The following UPF1 variants were observed in gnomAD, a reference collection of about 807,000 sequenced individuals.
UPF1 encodes UPF1 RNA helicase and ATPase.
Under a neutral mutation model 129.2 loss-of-function variants are expected in UPF1, and 9 were observed. The ratio of observed to expected loss-of-function variants is 0.07; its 90% CI spans 0.04 to 0.12. UPF1 has a LOEUF of 0.12. UPF1 is among the 10% of genes least tolerant of loss of function. The pLI is 1.00. For missense variants in UPF1, 788 were observed against 1,525.3 expected (o/e 0.52, Z 8.05); for synonymous variants, 649 against 644.9 (o/e 1.01, Z -0.10).
In UPF1 at chr19:18,853,895, G is replaced by A. The variant is rs528004916; in HGVS notation, c.1156+545G>A. On this transcript the variant is annotated intron_variant, in intron 8 of 23. Coordinates refer to ENST00000262803, the MANE Select transcript of UPF1 (RefSeq NM_002911.4). The surrounding 1 kb of genome is among the most constrained non-coding windows in gnomAD (Gnocchi z 4.4). ...GGGAGGAGTCCTGGGAGAAGACACC[G>A]CGGGTCAGACTCAGGCTGCCTCTTG... is the stretch of plus-strand genomic sequence containing the variant. Among the ~76,000 whole-genome samples, 7 of 152,290 alleles carry A rather than the reference G, an allele frequency of 4.6e-5. No homozygotes were observed. The highest frequency in any genetic ancestry group is 7.2e-5 in the African/African-American group (3 of 41,558).
chr19:18,852,712 T>TCCCTC (rs1365783587), intron 6 of UPF1, among the ~76,000 whole-genome samples: 1 of 133,424 alleles, frequency 7.5e-6, no homozygotes, highest in African/African-American at 2.8e-5. Context: ...TCTCTCTTCC[T>TCCCTC]CCCTCCCACA....
At chr19:18,857,210 G>A in intron 14 of UPF1, 110 bp from the exon 15 acceptor site, 1 of 1,467,486 alleles carries the variant, frequency 6.8e-7, no homozygotes, top group Non-Finnish European at 9.2e-7. Flanking sequence ...CAATGCCCCT[G>A]TGGCCAGGTG....
At chr19:18,847,933 C>A in intron 3 of UPF1, 100 bp downstream of exon 3, 1 of 1,330,830 alleles carries the variant, frequency 7.5e-7, no homozygotes, top group South Asian at 1.3e-5. Flanking sequence ...TAAAATCACG[C>A]TAACAAACCT....
intron 1 of UPF1, 83 bp from the exon 2 acceptor site, chr19:18,845,897 C>A: frequency 6.5e-7 from 1 of 1,536,308 alleles, no homozygotes; most frequent in Admixed American, 1.9e-5. Context: ...CAGGGTGTCA[C>A]ACCAGAGTCA....
intron 10 of UPF1, 42 bp downstream of exon 10, chr19:18,855,080 G>A (rs768055974): frequency 5.0e-6 from 8 of 1,613,076 alleles, no homozygotes; most frequent in Admixed American, 3.3e-5. Flanking sequence ...CCCATGGGCC[G>A]GGACGCAAGC....
chr19:18,852,935 G>T, intron 6 of UPF1, 52 bp from the exon 7 acceptor site: 2 of 1,513,006 alleles, frequency 1.3e-6, no homozygotes, highest in Non-Finnish European at 1.8e-6. Context: ...TGGAGGCCAG[G>T]CCCGGGCCTG....
At position 18,853,379 on chromosome 19, in the gene UPF1, G is replaced by T; in HGVS notation, c.1156+29G>T. 3 of 1,567,620 alleles carry T rather than the reference G, an allele frequency of 1.9e-6. No homozygotes were observed. In the South Asian group the frequency reaches 3.5e-5, roughly 19 times the overall value. ...TCCTTCATGTGAAGAGGGTGTGGCC[G>T]GCTGGTGGGAGAGGAAAGTGGGGGC... On this transcript the variant is annotated intron_variant, in intron 8 of 23. Transcript: ENST00000262803. This position sits in a 1 kb window ranked among gnomAD's most constrained non-coding sequence, Gnocchi z 4.4.
intron 18 of UPF1, 112 bp from the exon 19 acceptor site, chr19:18,863,326 G>A (rs2055802251): frequency 1.3e-5 from 19 of 1,414,804 alleles, no homozygotes; most frequent in Middle Eastern, 2.3e-4. Flanking sequence ...CCCGGTCCAC[G>A]CCTCTGTTGC....
rs922052563 is a variant in UPF1 at position 18,865,131 on chromosome 19, G to A, written c.2858-158G>A. Among the ~76,000 whole-genome samples, 12 of 152,246 alleles carry A rather than the reference G, an allele frequency of 7.9e-5. No homozygotes were observed. The highest frequency in any genetic ancestry group is 1.8e-4 in the Non-Finnish European group (12 of 68,046). Reference sequence around the variant, plus strand: ...CCAAGCACCCAGCCCCAGGCAGGCTGCTGTAGTTAACATGGAGTCCTGCGA... The same window carrying A: ...CCAAGCACCCAGCCCCAGGCAGGCTACTGTAGTTAACATGGAGTCCTGCGA... On this transcript the variant is annotated intron_variant, in intron 20 of 23. Transcript: ENST00000262803. This position sits in a 1 kb window ranked among gnomAD's most constrained non-coding sequence, Gnocchi z 6.1.
rs897908759 is a variant in UPF1, at chr19:18,866,257, G to C, written c.*3+91G>C. The C allele has an allele frequency of 1.5e-5, 21 of 1,443,450 alleles. No homozygotes were observed. In the East Asian group the frequency reaches 5.3e-4, roughly 37 times the overall value. 89.4% of individuals were successfully genotyped at this position (1,443,450 alleles called of 1,614,324 possible). ...CCCCAGGGAGCTGCACTGGAGGGGTGGTATCTGGAAATGTGTGCTGTGCCT... is the reference window on the plus strand; with the variant it reads ...CCCCAGGGAGCTGCACTGGAGGGGTCGTATCTGGAAATGTGTGCTGTGCCT... On this transcript the variant is annotated intron_variant, in intron 23 of 23. Coordinates refer to ENST00000262803, the MANE Select transcript of UPF1 (RefSeq NM_002911.4).
At chr19:18,837,490 A>G (rs958884000) in intron 1 of UPF1, among the ~76,000 whole-genome samples, 3 of 152,240 alleles carry the variant, frequency 2.0e-5, no homozygotes. Context: ...GCATCTCTTC[A>G]TGAGAACCCC....
In UPF1 at chr19:18,850,820, A is replaced by G. The variant is rs757911722; in HGVS notation, c.762A>G (p.Ala254=). 2 of 1,608,548 alleles carry G rather than the reference A, an allele frequency of 1.2e-6. No homozygotes were observed. The highest frequency in any genetic ancestry group is 4.5e-5 in the East Asian group (2 of 44,666). ...KIPSEQEQLR[A]RQITAQQINK... ...CCTCCGAGCAGGAGCAGCTGCGGGCACGCCAGATCACGGCACAGCAGATCA... is the reference window on the plus strand; with the variant it reads ...CCTCCGAGCAGGAGCAGCTGCGGGCGCGCCAGATCACGGCACAGCAGATCA... Residue 254 remains alanine (A), a synonymous_variant, in exon 5 of 24, where the codon GCA becomes GCG. Transcript: ENST00000262803. This position sits in a 1 kb window ranked among gnomAD's most constrained non-coding sequence, Gnocchi z 7.1.
rs1024135651 is a variant in UPF1 at position 18,867,229 on chromosome 19, CGGA to C, written c.*717_*719del. Reference sequence around the variant, plus strand: ...AGAGGAGCAACACCTGTGCCGCGGCCGGAGGAGTTTTGTTGTTGGTTTTAGCTT... The same window carrying C: ...AGAGGAGCAACACCTGTGCCGCGGCCGGAGTTTTGTTGTTGGTTTTAGCTT... On this transcript the variant is annotated 3_prime_UTR_variant, in exon 24 of 24. Coordinates refer to ENST00000262803, the MANE Select transcript of UPF1 (RefSeq NM_002911.4). The C allele has an allele frequency of 9.2e-5, 14 of 152,286 alleles. No individual in the cohort carries two copies. Among genetic ancestry groups the C allele is most frequent in the African/African-American group, 2.2e-4 (9 of 41,452 alleles). 9.4% of individuals were successfully genotyped at this position (152,286 alleles called of 1,614,324 possible). A position where few individuals can be genotyped will look rare whatever the true frequency, so the allele number is the denominator to read the frequency against.
At chr19:18,860,776 G>T in intron 16 of UPF1, 50 bp from the exon 17 acceptor site, 1 of 1,604,202 alleles carries the variant, frequency 6.2e-7, no homozygotes, top group Admixed American at 1.7e-5. Flanking sequence ...CAGCCTCAGG[G>T]CTCGGGATCC....
At position 18,860,955 on chromosome 19, in the gene UPF1, C is replaced by T. The variant is rs747732278; in HGVS notation, c.2430C>T (p.Ser810=). Residue 810 remains serine, a synonymous_variant, in exon 17 of 24, where the codon AGC becomes AGT. Transcript: ENST00000262803. ...RSYLVQYMQF[S]GSLHTKLYQE... Reference sequence around the variant, plus strand: ...ACCTGGTGCAGTACATGCAGTTCAGCGGCTCCCTGCACACCAAGCTCTACC... The same window carrying T: ...ACCTGGTGCAGTACATGCAGTTCAGTGGCTCCCTGCACACCAAGCTCTACC... 35 of 1,585,840 alleles carry T rather than the reference C, an allele frequency of 2.2e-5. No homozygotes were observed. Among genetic ancestry groups the T allele is most frequent in the East Asian group, 6.9e-5 (3 of 43,302 alleles).
chr19:18,859,481 A>G (rs2055754129), intron 15 of UPF1: 1 of 152,184 alleles, frequency 6.6e-6, no homozygotes, highest in South Asian at 2.1e-4. Context: ...AGGGGTGCGC[A>G]TCCACAGCAG....
intron 15 of UPF1, among the ~76,000 whole-genome samples, chr19:18,857,931 G>A (rs1405369096): frequency 7.9e-5 from 12 of 152,214 alleles, no homozygotes; most frequent in Admixed American, 7.9e-4. Flanking sequence ...GGCTTCCCTG[G>A]ATAACACAGA....
intron 3 of UPF1, chr19:18,849,512 C>T (rs1277222494): frequency 6.0e-6 from 1 of 165,602 alleles, no homozygotes; most frequent in Non-Finnish European, 1.3e-5. Context: ...TCACACACAG[C>T]CCTGGGCTTC....
Position 18,868,006 on chromosome 19 carries a change from T to C in UPF1, c.*1489T>C, listed in dbSNP as rs2055877471. On this transcript the variant is annotated 3_prime_UTR_variant, in exon 24 of 24. Coordinates refer to ENST00000262803, the MANE Select transcript of UPF1 (RefSeq NM_002911.4). ...AGGCCGCGTAGAGGCATGCACCGGG[T>C]AGGTTTCCGCGGTGACCCCGCGGCG... The C allele has an allele frequency of 6.4e-6, 1 of 156,628 alleles. No individual in the cohort carries two copies. The highest frequency in any genetic ancestry group is 1.9e-4 in the South Asian group (1 of 5,308). 9.7% of individuals were successfully genotyped at this position (156,628 alleles called of 1,614,324 possible).
Sources: allele counts gnomAD v4.1 joint callset (sites outside exome capture counted in the v4.1 genomes callset), GRCh38; gene constraint gnomAD v4.1.1; non-coding constraint Gnocchi (gnomAD v3.1); transcripts MANE v1.5; gene names NCBI Gene and HGNC (gene_info 2026-07-23, HGNC 2026-07-21).